TMC7: variants seen among roughly 807,000 people sequenced by gnomAD.
TMC7 encodes the protein transmembrane channel-like protein 7.
TMC7 carries 54 observed loss-of-function variants against 82.9 expected under a neutral mutation model. That is an observed-to-expected ratio of 0.65 (90% CI 0.52 to 0.82). TMC7 has a LOEUF of 0.82. TMC7 is among the 40% of genes least tolerant of loss of function. The pLI is 0.00. For missense variants in TMC7, 820 were observed against 901.2 expected, an observed-to-expected ratio of 0.91 and a Z score of 1.15; for synonymous variants, 350 against 337.9, an observed-to-expected ratio of 1.04 and a Z score of -0.39.
chr16:19,055,691 A>C (rs1330755209), intron 13 of TMC7, among the ~76,000 whole-genome samples: 1 of 152,092 alleles, frequency 6.6e-6, no homozygotes, highest in East Asian at 1.9e-4. Context: ...TATTTCTTCT[A>C]TCTCCTTAGT....
At chr16:19,029,300 C>G (rs570427985) in intron 5 of TMC7, among the ~76,000 whole-genome samples, 1 of 151,844 alleles carries the variant, frequency 6.6e-6, no homozygotes, top group Non-Finnish European at 1.5e-5. Flanking sequence ...CCACCGTGCC[C>G]GGCACGAGAT....
chr16:19,046,142 G>A (rs1053806147), intron 11 of TMC7, among the ~76,000 whole-genome samples: 3 of 152,114 alleles, frequency 2.0e-5, no homozygotes, highest in Admixed American at 1.3e-4. Flanking sequence ...GTTTTGCTGG[G>A]GATGACCTTC....
intron 15 of TMC7, among the ~76,000 whole-genome samples, chr16:19,061,264 C>T (rs1324064577): frequency 7.9e-5 from 12 of 151,930 alleles, no homozygotes; most frequent in Admixed American, 7.2e-4. Context: ...CCACCTGCCT[C>T]GGCCTCCCAA....
At chr16:19,003,172 A>G (rs187055972) in intron 1 of TMC7, among the ~76,000 whole-genome samples, 5 of 152,250 alleles carry the variant, frequency 3.3e-5, no homozygotes, top group Admixed American at 2.6e-4. Context: ...CTCTACTAAA[A>G]ACTGAAAAAG....
chr16:19,053,845 CTTTCT>C (rs1427884131), intron 13 of TMC7, among the ~76,000 whole-genome samples: 1 of 140,282 alleles, frequency 7.1e-6, no homozygotes, highest in Non-Finnish European at 1.5e-5. Context: ...TGTGTCTTTT[CTTTCT>C]TTTTTTTTTT....
intron 1 of TMC7, among the ~76,000 whole-genome samples, chr16:18,997,147 A>T (rs1197937409): frequency 1.3e-5 from 2 of 152,204 alleles, no homozygotes; most frequent in African/African-American, 4.8e-5. Context: ...GGGCGAGGAC[A>T]GGGGACCGGT....
intron 1 of TMC7, among the ~76,000 whole-genome samples, chr16:19,006,203 CTTT>C (rs780064058): frequency 7.0e-6 from 1 of 142,292 alleles, no homozygotes; most frequent in South Asian, 2.3e-4. Context: ...CCAGGGTGAC[CTTT>C]TTTTTTTTTT....
At chr16:19,055,022 A>G (rs981168451) in intron 13 of TMC7, among the ~76,000 whole-genome samples, 18 of 152,060 alleles carry the variant, frequency 1.2e-4, no homozygotes, top group African/African-American at 4.1e-4. Flanking sequence ...TGCTGGGATT[A>G]TAGGCACAAG....
At chr16:19,051,848 A>G in intron 13 of TMC7, 32 bp downstream of exon 13, 2 of 1,611,394 alleles carry the variant, frequency 1.2e-6, no homozygotes, top group South Asian at 1.1e-5. Flanking sequence ...AGAACATTTC[A>G]TTGCTTCTTG....
At chr16:19,048,758 C>T (rs1049275020) in intron 12 of TMC7, among the ~76,000 whole-genome samples, 1 of 152,014 alleles carries the variant, frequency 6.6e-6, no homozygotes, top group Admixed American at 6.6e-5. Flanking sequence ...CAATATTAAA[C>T]ATTTAAATAA....
intron 1 of TMC7, among the ~76,000 whole-genome samples, chr16:18,998,625 G>T (rs1350846495): frequency 2.6e-5 from 4 of 152,118 alleles, no homozygotes; most frequent in African/African-American, 9.7e-5. Flanking sequence ...GTGGTGGCGG[G>T]CACCCATAGT....
intron 13 of TMC7, among the ~76,000 whole-genome samples, chr16:19,053,109 G>A (rs1309291819): frequency 6.6e-6 from 1 of 152,142 alleles, no homozygotes; most frequent in Non-Finnish European, 1.5e-5. Flanking sequence ...AAGCAGTACA[G>A]AAGGGTGTAA....
chr16:19,051,352 T>C (rs58813890), intron 12 of TMC7, among the ~76,000 whole-genome samples: 1,978 of 151,894 alleles, frequency 0.013, 51 homozygotes, highest in African/African-American at 0.045. Context: ...GCTGCACCCA[T>C]TAACTTGTCA....
At chr16:19,047,747 C>G (rs751891991) in intron 12 of TMC7, among the ~76,000 whole-genome samples, 1 of 130,546 alleles carries the variant, frequency 7.7e-6, no homozygotes, top group Non-Finnish European at 1.6e-5. Context: ...GAGTCTCGCT[C>G]TGTCATCCAG....
intron 14 of TMC7, among the ~76,000 whole-genome samples, chr16:19,056,976 ATAAG>A (rs1961807269): frequency 3.3e-5 from 5 of 151,860 alleles, no homozygotes; most frequent in African/African-American, 1.2e-4. Flanking sequence ...AAATAAATAA[ATAAG>A]TAACAAAAAT....
intron 5 of TMC7, among the ~76,000 whole-genome samples, chr16:19,023,630 A>G (rs906610153): frequency 6.6e-6 from 1 of 152,118 alleles, no homozygotes; most frequent in Admixed American, 6.6e-5. Flanking sequence ...TATTTTTAGT[A>G]GAGACGGAGT....
At chr16:19,030,837 T>C (rs1360321552) in intron 6 of TMC7, among the ~76,000 whole-genome samples, 1 of 152,078 alleles carries the variant, frequency 6.6e-6, no homozygotes, top group African/African-American at 2.4e-5. Context: ...CCTCCCAAAG[T>C]TCTGGGATTA....
chr16:19,040,914 G>A (rs1596779585), intron 9 of TMC7, among the ~76,000 whole-genome samples: 2 of 132,946 alleles, frequency 1.5e-5, no homozygotes, highest in African/African-American at 2.8e-5. Flanking sequence ...TTTTTGAGAT[G>A]GGGTCTTACT....
chr16:19,020,893 A>T (rs567620947), intron 3 of TMC7, among the ~76,000 whole-genome samples: 60 of 114,788 alleles, frequency 5.2e-4, no homozygotes, highest in East Asian at 1.7e-3. Flanking sequence ...AATAAATAAA[A>T]GCCAGATATC....
Sources: allele counts gnomAD v4.1 joint callset (sites outside exome capture counted in the v4.1 genomes callset), GRCh38; gene constraint gnomAD v4.1.1; transcripts MANE v1.5; gene names NCBI Gene and HGNC (gene_info 2026-07-23, HGNC 2026-07-21).